Variants in ACACA observed in about 807,000 individuals in gnomAD.
ACACA encodes acetyl-CoA carboxylase alpha, also known as acetyl-CoA carboxylase 1.
ACACA carries 103 observed loss-of-function variants against 296.1 expected under a neutral mutation model. That is an observed-to-expected ratio of 0.35 (90% CI 0.30 to 0.41). The LOEUF is 0.41. ACACA is among the 10% of genes least tolerant of loss of function. The probability of loss-of-function intolerance (pLI) is 1.00; values close to 1 mark genes in which losing one functional copy is unlikely to be tolerated. For synonymous variants in ACACA, 953 were observed against 1,038.6 expected, an observed-to-expected ratio of 0.92 and a Z score of 1.58; for missense variants, 1,554 against 2,989.7, an observed-to-expected ratio of 0.52 and a Z score of 11.20.
chr17:37,342,380 G>C (rs2048407322), intron 1 of ACACA, among the ~76,000 whole-genome samples: 1 of 112,576 alleles, frequency 8.9e-6, no homozygotes, highest in Non-Finnish European at 1.6e-5. Context: ...TGCGCTCCAG[G>C]CTGTGGACAA....
chr17:37,278,708 T>C (rs2082375997), intron 5 of ACACA, among the ~76,000 whole-genome samples: 1 of 152,116 alleles, frequency 6.6e-6, no homozygotes, highest in Non-Finnish European at 1.5e-5. Context: ...TATTATCTCA[T>C]TTAATTCTCT....
chr17:37,343,636 G>A (rs1311059208), intron 1 of ACACA, among the ~76,000 whole-genome samples: 1 of 151,816 alleles, frequency 6.6e-6, no homozygotes, highest in Non-Finnish European at 1.5e-5. Flanking sequence ...CTGGTGGCGG[G>A]TGCCTGTAAT....
chr17:37,274,142 G>A (rs776471848), intron 9 of ACACA, 51 bp downstream of exon 9: 1 of 1,479,454 alleles, frequency 6.8e-7, no homozygotes, highest in South Asian at 1.1e-5. Flanking sequence ...CCACATTTGT[G>A]ACTATAACTG....
chr17:37,316,304 C>CAT, intron 3 of ACACA, among the ~76,000 whole-genome samples: 5 of 142,972 alleles, frequency 3.5e-5, no homozygotes, highest in African/African-American at 1.0e-4. Flanking sequence ...CCCTTACATA[C>CAT]ACACACACAC....
chr17:37,198,623 T>C (rs2078110485), intron 35 of ACACA, among the ~76,000 whole-genome samples: 1 of 152,194 alleles, frequency 6.6e-6, no homozygotes, highest in Non-Finnish European at 1.5e-5. Context: ...CCGTTTCCTA[T>C]CTAAAGTTAT....
At chr17:37,346,316 C>CTCA (rs2048615691) in intron 1 of ACACA, among the ~76,000 whole-genome samples, 1 of 115,904 alleles carries the variant, frequency 8.6e-6, no homozygotes, top group South Asian at 2.8e-4. Context: ...GACTCTCTCT[C>CTCA]AAAAAAAAAA....
chr17:37,167,712 A>AG (rs2076737308), intron 41 of ACACA, among the ~76,000 whole-genome samples: 1 of 151,900 alleles, frequency 6.6e-6, no homozygotes, highest in Non-Finnish European at 1.5e-5. Flanking sequence ...AAAAAAAAAA[A>AG]AAGAGGTCTG....
rs200900682 is a variant in ACACA at position 37,096,948 on chromosome 17, G to A, written c.6891+48C>T. 6 of 1,607,760 alleles carry A rather than the reference G, an allele frequency of 3.7e-6. No homozygotes were observed. The African/African-American group carries it at 8.0e-5, about 22-fold the overall frequency. Reference sequence around the variant, plus strand: ...CTGGCGAGACTTGCAGCCCTCAGGTGGTGTGAGGAACTCAGCAAAAAGGCT... The same window carrying A: ...CTGGCGAGACTTGCAGCCCTCAGGTAGTGTGAGGAACTCAGCAAAAAGGCT... On this transcript the variant is annotated intron_variant, in intron 54 of 55. Coordinates refer to ENST00000616317, the MANE Select transcript of ACACA (RefSeq NM_198834.3).
In ACACA at chr17:37,161,828, G is replaced by A. The variant is rs1348929671; in HGVS notation, c.5302C>T (p.Arg1768Cys). ...ACCCAGGCCACATGAAACATATGGCGAATTTCTTCTGCCAGTCCGATTCTT... is the reference window on the plus strand; with the variant it reads ...ACCCAGGCCACATGAAACATATGGCAAATTTCTTCTGCCAGTCCGATTCTT... The part of the protein sequence containing the change: ...GARIGLAEEI[R>C]HMFHVAWVDP... Residue 1768 changes from arginine (R) to cysteine (C), a missense_variant, in exon 42 of 56, where the codon CGC becomes TGC. Arg to Cys is a radical substitution (Grantham distance 180, BLOSUM62 -3). Coordinates refer to ENST00000616317, the MANE Select transcript of ACACA (RefSeq NM_198834.3). 5.0e-6 allele frequency: 8 copies of A among 1,613,636 alleles called. No individual in the cohort carries two copies. The highest frequency in any genetic ancestry group is 4.0e-5 in the African/African-American group (3 of 74,876).
chr17:37,303,520 G>A (rs74527419), intron 3 of ACACA, among the ~76,000 whole-genome samples: 18,787 of 152,158 alleles, frequency 0.12, 1,788 homozygotes, highest in East Asian at 0.45. Context: ...GAGTGAAGCT[G>A]CCAGATCATA....
intron 29 of ACACA, among the ~76,000 whole-genome samples, chr17:37,213,178 C>T (rs1157510357): frequency 2.0e-5 from 3 of 151,626 alleles, no homozygotes; most frequent in Non-Finnish European, 4.4e-5. Flanking sequence ...CACATACACA[C>T]ACACACGCAC....
chr17:37,285,896 TTTG>T (rs1260090001), intron 3 of ACACA, among the ~76,000 whole-genome samples: 3 of 152,114 alleles, frequency 2.0e-5, no homozygotes, highest in African/African-American at 2.4e-5. Context: ...CAGTACTGTT[TTTG>T]TTGTTGTTTT....
At chr17:37,235,756 A>G (rs898480054) in intron 24 of ACACA, among the ~76,000 whole-genome samples, 7 of 152,158 alleles carry the variant, frequency 4.6e-5, no homozygotes. Context: ...GCCAAATCCA[A>G]CCCAAGGTAT....
chr17:37,218,150 A>C (rs1020787619), intron 29 of ACACA, among the ~76,000 whole-genome samples: 13 of 149,124 alleles, frequency 8.7e-5, no homozygotes, highest in East Asian at 1.9e-4. Context: ...CCAGTAACAA[A>C]AAAAAAAAAA....
intron 1 of ACACA, among the ~76,000 whole-genome samples, chr17:37,354,691 G>A (rs550289598): frequency 3.3e-5 from 5 of 152,056 alleles, no homozygotes; most frequent in East Asian, 3.9e-4. Flanking sequence ...TTGGGAGGCT[G>A]AAGTCGGAGG....
intron 3 of ACACA, among the ~76,000 whole-genome samples, chr17:37,285,626 C>T (rs1469322192): frequency 6.7e-6 from 1 of 149,558 alleles, no homozygotes; most frequent in Non-Finnish European, 1.5e-5. Flanking sequence ...CCAGCCTAGG[C>T]AACATGGCAA....
At chr17:37,116,385 G>A (rs891807478) in intron 50 of ACACA, among the ~76,000 whole-genome samples, 4 of 152,128 alleles carry the variant, frequency 2.6e-5, no homozygotes, top group Non-Finnish European at 4.4e-5. Flanking sequence ...ACCAGAAAAA[G>A]AGACTTGAAT....
chr17:37,226,288 C>T, intron 26 of ACACA, 51 bp downstream of exon 26: 2 of 1,371,878 alleles, frequency 1.5e-6, no homozygotes, highest in Non-Finnish European at 2.1e-6. Context: ...CTAGGACTGC[C>T]TGATCTATGA....
chr17:37,102,972 A>C (rs1442674547), intron 52 of ACACA, among the ~76,000 whole-genome samples: 4 of 152,238 alleles, frequency 2.6e-5, no homozygotes, highest in Non-Finnish European at 5.9e-5. Flanking sequence ...TCAAAAAAGC[A>C]TCAAAACAAG....
Sources: gnomAD v4.1 joint callset for allele counts (sites outside exome capture counted in the v4.1 genomes callset) on GRCh38, gnomAD v4.1.1 for gene constraint, MANE v1.5 for transcripts, NCBI Gene and HGNC (gene_info 2026-07-23, HGNC 2026-07-21) for gene names.